Variants in CACNG2 observed in about 807,000 individuals in gnomAD.
The protein encoded by CACNG2 is calcium voltage-gated channel auxiliary subunit gamma 2.
CACNG2 carries 3 observed loss-of-function variants against 25.9 expected under a neutral mutation model. The observed-to-expected ratio is 0.12, with a 90% confidence interval of 0.05 to 0.30. CACNG2 has a LOEUF of 0.30. Among genes scored for constraint, CACNG2 ranks in the 10% least tolerant of loss-of-function variants. CACNG2 has a pLI of 1.00. For missense variants in CACNG2, 341 were observed against 432.5 expected (o/e 0.79, Z 1.88); for synonymous variants, 167 against 173.3 (o/e 0.96, Z 0.29).
chr22:36,575,057 A>G (rs1164901519), intron 2 of CACNG2, among the ~76,000 whole-genome samples: 1 of 152,182 alleles, frequency 6.6e-6, no homozygotes, highest in Non-Finnish European at 1.5e-5. Context: ...CCATCTCAAG[A>G]AGACCTTGGG....
chr22:36,652,266 C>A (rs1487846589), intron 1 of CACNG2, among the ~76,000 whole-genome samples: 1 of 152,152 alleles, frequency 6.6e-6, no homozygotes, highest in African/African-American at 2.4e-5. Flanking sequence ...TGCTTCCCAG[C>A]TGGTCTCCAG....
chr22:36,615,150 G>A (rs576294108), intron 1 of CACNG2, among the ~76,000 whole-genome samples: 9 of 152,342 alleles, frequency 5.9e-5, no homozygotes, highest in African/African-American at 2.2e-4. Flanking sequence ...TAAATGAATT[G>A]AATGAAGGTA....
At chr22:36,617,076 T>A (rs539471933) in intron 1 of CACNG2, among the ~76,000 whole-genome samples, 75 of 152,280 alleles carry the variant, frequency 4.9e-4, no homozygotes, top group African/African-American at 1.7e-3. Context: ...GGGTTTTCAA[T>A]GAAGTCTCTC....
intron 1 of CACNG2, among the ~76,000 whole-genome samples, chr22:36,627,291 T>TGA (rs1349592320): frequency 6.6e-6 from 1 of 150,774 alleles, no homozygotes; most frequent in Non-Finnish European, 1.5e-5. Flanking sequence ...TGTGTGTGTG[T>TGA]GTGTGTGTGT....
At chr22:36,688,440 T>G (rs1264953739) in intron 1 of CACNG2, among the ~76,000 whole-genome samples, 1 of 149,820 alleles carries the variant, frequency 6.7e-6, no homozygotes, top group African/African-American at 2.5e-5. Context: ...CTCATGATGC[T>G]GAGGTGGGAG....
intron 2 of CACNG2, among the ~76,000 whole-genome samples, chr22:36,569,973 CAG>C (rs1288841957): frequency 2.6e-5 from 4 of 152,222 alleles, no homozygotes; most frequent in Non-Finnish European, 4.4e-5. Flanking sequence ...AGCAGCAGCT[CAG>C]AGGAACAGGC....
At chr22:36,605,587 C>T (rs1935818981) in intron 1 of CACNG2, among the ~76,000 whole-genome samples, 1 of 152,174 alleles carries the variant, frequency 6.6e-6, no homozygotes, top group South Asian at 2.1e-4. Context: ...TGAACCTGAG[C>T]GTTGGCTCCT....
At chr22:36,615,287 A>C (rs190615984) in intron 1 of CACNG2, among the ~76,000 whole-genome samples, 1 of 152,232 alleles carries the variant, frequency 6.6e-6, no homozygotes, top group Non-Finnish European at 1.5e-5. Flanking sequence ...CAAACTGCAC[A>C]AACTACTGCC....
rs963607919 is a variant in CACNG2 at position 36,561,166 on chromosome 22, C to T, written c.*3185G>A. 1.3e-5 allele frequency: 2 copies of T among 152,296 alleles called. No homozygotes were observed. Among genetic ancestry groups the T allele is most frequent in the Non-Finnish European group, 2.9e-5 (2 of 68,086 alleles). The allele number at this position is 152,296 out of a possible 1,614,324, so 9.4% of individuals were successfully genotyped here. On this transcript the variant is annotated 3_prime_UTR_variant, in exon 4 of 4. Transcript: ENST00000300105. ...GGCTTTCTTCAAGCACACCCAGAAC[C>T]CAGGCCTTGCGCCATGGAAAGAAGC... is the stretch of plus-strand genomic sequence containing the variant.
In CACNG2 at chr22:36,564,160, A is replaced by T. The variant is rs1157731065; in HGVS notation, c.*191T>A. On this transcript the variant is annotated 3_prime_UTR_variant, in exon 4 of 4. Transcript: ENST00000300105. This position sits in a 1 kb window ranked among gnomAD's most constrained non-coding sequence, Gnocchi z 6.7. ...CCTCTTATATTTTGTTCTTTTTTTT[A>T]AAATTTACTTGTTATGTTTTTTCTC... 1.1e-4 allele frequency: 51 copies of T among 473,204 alleles called. No homozygotes were observed. Among genetic ancestry groups the T allele is most frequent in the Non-Finnish European group, 9.1e-5 (25 of 275,362 alleles). 29.3% of individuals were successfully genotyped at this position (473,204 alleles called of 1,614,324 possible).
intron 1 of CACNG2, among the ~76,000 whole-genome samples, chr22:36,635,982 C>T (rs528607159): frequency 5.3e-5 from 8 of 152,220 alleles, no homozygotes; most frequent in Non-Finnish European, 8.8e-5. Flanking sequence ...CCTTGCATCT[C>T]GTTCTGTGGT....
intron 1 of CACNG2, among the ~76,000 whole-genome samples, chr22:36,654,179 T>C (rs1406528419): frequency 6.6e-6 from 1 of 152,154 alleles, no homozygotes; most frequent in Non-Finnish European, 1.5e-5. Flanking sequence ...TCTTTCTCTT[T>C]GAGGAATGTT....
intron 1 of CACNG2, among the ~76,000 whole-genome samples, chr22:36,690,441 C>T (rs1200784089): frequency 6.6e-6 from 1 of 152,192 alleles, no homozygotes; most frequent in African/African-American, 2.4e-5. Flanking sequence ...AAGCACAACT[C>T]GCTTGCCAAT....
In CACNG2 at chr22:36,702,884, AC is replaced by A. The variant is rs924675522; in HGVS notation, c.-309del. 18 of 235,278 alleles carry A rather than the reference AC, an allele frequency of 7.7e-5. No homozygotes were observed. The highest frequency in any genetic ancestry group is 1.3e-3 in the Middle Eastern group (1 of 762). 14.6% of individuals were successfully genotyped at this position (235,278 alleles called of 1,614,324 possible). A position where few individuals can be genotyped will look rare whatever the true frequency, so the allele number is the denominator to read the frequency against. ...AAAAAAAAATAAAAAGACACCCCCC[AC>A]CCCCCCAAGTGAGATGCCTTAATCT... On this transcript the variant is annotated 5_prime_UTR_variant, in exon 1 of 4. Transcript: ENST00000300105.
intron 1 of CACNG2, among the ~76,000 whole-genome samples, chr22:36,625,501 A>G (rs2145953462): frequency 6.6e-6 from 1 of 152,258 alleles, no homozygotes; most frequent in South Asian, 2.1e-4. Flanking sequence ...CACCCTCACA[A>G]ACTCTGTGTT....
At chr22:36,572,231 C>A (rs967048707) in intron 2 of CACNG2, among the ~76,000 whole-genome samples, 1 of 152,168 alleles carries the variant, frequency 6.6e-6, no homozygotes, top group Non-Finnish European at 1.5e-5. Flanking sequence ...CATACCAGCC[C>A]CATGAAGCCA....
chr22:36,575,763 C>T (rs1935302676), intron 2 of CACNG2, among the ~76,000 whole-genome samples: 3 of 152,194 alleles, frequency 2.0e-5, no homozygotes, highest in South Asian at 2.1e-4. Context: ...CTTACCTGTT[C>T]CCTGTGCGAG....
chr22:36,623,981 G>A (rs982813223), intron 1 of CACNG2, among the ~76,000 whole-genome samples: 1 of 152,096 alleles, frequency 6.6e-6, no homozygotes, highest in Non-Finnish European at 1.5e-5. Flanking sequence ...AGTTCTTGAA[G>A]GGCCTTTTGG....
intron 2 of CACNG2, among the ~76,000 whole-genome samples, chr22:36,584,324 C>G (rs770831553): frequency 2.6e-5 from 4 of 152,148 alleles, no homozygotes; most frequent in Non-Finnish European, 5.9e-5. Context: ...CATGGTGGCG[C>G]ATGCATGTAA....
Sources: allele counts gnomAD v4.1 joint callset (sites outside exome capture counted in the v4.1 genomes callset), GRCh38; gene constraint gnomAD v4.1.1; non-coding constraint Gnocchi (gnomAD v3.1); transcripts MANE v1.5; gene names NCBI Gene and HGNC (gene_info 2026-07-23, HGNC 2026-07-21).